The following SLC11A2 variants were observed in gnomAD, a reference collection of about 807,000 sequenced individuals.
SLC11A2 encodes natural resistance-associated macrophage protein 2.
Under a neutral mutation model 68.0 loss-of-function variants are expected in SLC11A2, and 38 were observed. The ratio of observed to expected loss-of-function variants is 0.56; its 90% CI spans 0.43 to 0.73. The LOEUF is 0.73. Among genes scored for constraint, SLC11A2 ranks in the 30% least tolerant of loss-of-function variants. The probability of loss-of-function intolerance (pLI) is 0.00; values close to 1 mark genes in which losing one functional copy is unlikely to be tolerated. For synonymous variants in SLC11A2, 242 were observed against 250.6 expected (o/e 0.97, Z 0.32); for missense variants, 517 against 690.5 (o/e 0.75, Z 2.82).
At chr12:50,995,024 A>G (rs2136211126) in intron 10 of SLC11A2, 2 of 286,638 alleles carry the variant, frequency 7.0e-6, no homozygotes, top group South Asian at 7.0e-5. Flanking sequence ...AAAACTACAC[A>G]GGCAGGCCAG....
Position 51,002,879 on chromosome 12 carries a change from G to T in SLC11A2, c.429+1909C>A, listed in dbSNP as rs1342554774. Among the ~76,000 whole-genome samples the T allele has an allele frequency of 2.6e-5, 4 of 151,444 alleles. No individual in the cohort carries two copies. In the East Asian group the frequency reaches 7.8e-4, roughly 30 times the overall value. On this transcript the variant is annotated intron_variant, in intron 5 of 15. Coordinates refer to ENST00000262052, the MANE Select transcript of SLC11A2 (RefSeq NM_000617.3). Reference sequence around the variant, plus strand: ...AGCTTGAACCCAAGAGGCGGAGGTTGTGGTGAGCTGAGATCACGCCACTGT... The same window carrying T: ...AGCTTGAACCCAAGAGGCGGAGGTTTTGGTGAGCTGAGATCACGCCACTGT...
the SLC11A2 span, among the ~76,000 whole-genome samples, chr12:50,966,219 T>C: frequency 1.4e-4 from 22 of 152,306 alleles, no homozygotes; most frequent in East Asian, 4.2e-3. Flanking sequence ...GTTTGCACTG[T>C]CATTTCTGGC....
In SLC11A2 at chr12:50,990,855, C is replaced by T; in HGVS notation, c.1515G>A (p.Val505=). ...VVVYVRDLGH[V]ALYVVAAVVS... The stretch of plus-strand genomic sequence containing the variant: ...CCACAGCAGCCACCACATATAATGC[C>T]ACATGCCCTAGGTCCCGGACATAAA... The change falls in exon 15 of 16, where the codon GTG becomes GTA. Residue 505 remains valine (V), a synonymous_variant. Transcript: ENST00000262052. 6.2e-7 allele frequency: 1 copy of T among 1,614,140 alleles called. No homozygotes were observed. Among genetic ancestry groups the T allele is most frequent in the Non-Finnish European group, 8.5e-7 (1 of 1,179,996 alleles).
chr12:51,004,966 TTTG>T, intron 4 of SLC11A2, 59 bp from the exon 5 acceptor site: 3 of 1,599,604 alleles, frequency 1.9e-6, no homozygotes, highest in Non-Finnish European at 2.6e-6. Flanking sequence ...TGTCTGTTTG[TTTG>T]TTTAGTTGTT....
intron 1 of SLC11A2, among the ~76,000 whole-genome samples, chr12:51,012,748 T>A: frequency 6.6e-6 from 1 of 152,034 alleles, no homozygotes; most frequent in East Asian, 1.9e-4. Flanking sequence ...CTCTCTAGAG[T>A]CACCAATGCC....
chr12:50,974,730 A>T (rs1470572640), downstream of SLC11A2, among the ~76,000 whole-genome samples: 2 of 152,164 alleles, frequency 1.3e-5, no homozygotes, highest in African/African-American at 4.8e-5. Flanking sequence ...TCAGTGTGCT[A>T]TATTCAGGAA....
At chr12:50,962,123 C>A in the SLC11A2 span, among the ~76,000 whole-genome samples, 1 of 152,166 alleles carries the variant, frequency 6.6e-6, no homozygotes, top group Non-Finnish European at 1.5e-5. Context: ...CAGTGGCTTG[C>A]ACCTGTGATC....
chr12:50,997,443 T>G (rs1941802947), intron 8 of SLC11A2, among the ~76,000 whole-genome samples: 1 of 152,128 alleles, frequency 6.6e-6, no homozygotes, highest in African/African-American at 2.4e-5. Context: ...GGCTCACGCC[T>G]ATAATCCCAG....
At chr12:51,019,682 C>G (rs1035048547) in intron 1 of SLC11A2, among the ~76,000 whole-genome samples, 3 of 139,356 alleles carry the variant, frequency 2.2e-5, no homozygotes, top group African/African-American at 8.1e-5. Flanking sequence ...GTGTCTTGCT[C>G]TGTCACCCAG....
At chr12:51,000,258 C>G in intron 6 of SLC11A2, 55 bp downstream of exon 6, 1 of 1,295,400 alleles carries the variant, frequency 7.7e-7, no homozygotes, top group Non-Finnish European at 1.1e-6. Context: ...TTGTTTTTAT[C>G]TCTGCTTGGA....
the SLC11A2 span, among the ~76,000 whole-genome samples, chr12:50,968,040 C>T: frequency 1.3e-5 from 2 of 152,066 alleles, no homozygotes. Flanking sequence ...GAGCCTTGCT[C>T]ACGCCACTGC....
At chr12:51,016,847 CAAAAAAAAA>C (rs34208777) in intron 1 of SLC11A2, among the ~76,000 whole-genome samples, 145 of 60,756 alleles carry the variant, frequency 2.4e-3, no homozygotes, top group African/African-American at 7.9e-3. Context: ...AACTCTGTCT[CAAAAAAAAA>C]AAAAAAAAAA....
At chr12:50,997,449 C>G (rs1285263892) in intron 8 of SLC11A2, among the ~76,000 whole-genome samples, 1 of 152,044 alleles carries the variant, frequency 6.6e-6, no homozygotes, top group Non-Finnish European at 1.5e-5. Flanking sequence ...CGCCTATAAT[C>G]CCAGCACTTT....
chr12:50,999,126 C>A (rs760446368), intron 8 of SLC11A2, 48 bp downstream of exon 8: 31 of 1,377,686 alleles, frequency 2.3e-5, no homozygotes, highest in African/African-American at 2.0e-4. Context: ...AAAAAAAAAA[C>A]CACAAAAACT....
At chr12:50,954,934 T>C in the SLC11A2 span, among the ~76,000 whole-genome samples, 2 of 152,246 alleles carry the variant, frequency 1.3e-5, no homozygotes, top group African/African-American at 2.4e-5. Context: ...CCCTCTGTGC[T>C]GGCTTCTTGG....
chr12:50,995,857 T>C lies in SLC11A2; in HGVS notation c.832-70A>G, dbSNP rs1284053285. On this transcript the variant is annotated intron_variant, in intron 9 of 15. Transcript: ENST00000262052. ...AGTTTCCTTGTGACATTTCAGGAGT[T>C]TGGAGTCAGCTGAGAGATTTAGGGG... 5.3e-6 allele frequency: 8 copies of C among 1,499,768 alleles called. 1 individual carries two copies. Among genetic ancestry groups the C allele is most frequent in the African/African-American group, 4.1e-5 (3 of 72,604 alleles). The allele number at this position is 1,499,768 out of a possible 1,614,324, so 92.9% of individuals were successfully genotyped here. A position where few individuals can be genotyped will look rare whatever the true frequency, so the allele number is the denominator to read the frequency against.
intron 2 of SLC11A2, among the ~76,000 whole-genome samples, chr12:51,009,706 T>C (rs1191644521): frequency 6.6e-6 from 1 of 152,234 alleles, no homozygotes; most frequent in Non-Finnish European, 1.5e-5. Flanking sequence ...TGTATTTTAC[T>C]GCTCCATACA....
the SLC11A2 span, among the ~76,000 whole-genome samples, chr12:50,968,573 G>A: frequency 2.0e-5 from 3 of 151,810 alleles, no homozygotes; most frequent in Non-Finnish European, 4.4e-5. Context: ...GTTTTGAGAT[G>A]GAGTCTCACT....
Position 51,008,305 on chromosome 12 carries a change from GT to G in SLC11A2, c.183+170del. ...AGAGATAGATAGATATAGATGGGGT[GT>G]GTGTGTGTGTGTGTGTGTGTATATA... On this transcript the variant is annotated intron_variant, in intron 3 of 15. Coordinates refer to ENST00000262052, the MANE Select transcript of SLC11A2 (RefSeq NM_000617.3). 9.1e-6 allele frequency: 5 copies of G among 549,464 alleles called. No individual in the cohort carries two copies. In the South Asian group the frequency reaches 9.8e-5, roughly 11 times the overall value. The allele number at this position is 549,464 out of a possible 1,614,324, so 34.0% of individuals were successfully genotyped here.
Sources: allele counts gnomAD v4.1 joint callset (sites outside exome capture counted in the v4.1 genomes callset), GRCh38; gene constraint gnomAD v4.1.1; transcripts MANE v1.5; gene names NCBI Gene and HGNC (gene_info 2026-07-23, HGNC 2026-07-21).